Variants in GPR160 observed in about 807,000 individuals in gnomAD.
The protein encoded by GPR160 is probable G protein-coupled receptor 160.
In GPR160, 2 loss-of-function variants were observed where a neutral mutation model predicts 2.6. The observed-to-expected ratio is 0.77, with a 90% CI of 0.32 to 2.44. The LOEUF (loss-of-function observed/expected upper bound fraction) is 2.44, where lower values mean the gene tolerates loss of function less well. Among genes scored for constraint, GPR160 ranks in the 30% most tolerant of loss-of-function variants. The pLI is 0.11. For missense variants in GPR160, 351 were observed against 383.6 expected (o/e 0.91, Z 0.71); for synonymous variants, 130 against 132.2 (o/e 0.98, Z 0.12).
chr3:170,043,166 C>T (rs1716538092), intron 2 of GPR160, among the ~76,000 whole-genome samples: 1 of 151,790 alleles, frequency 6.6e-6, no homozygotes, highest in Non-Finnish European at 1.5e-5. Context: ...CAGACATTCA[C>T]ACACATTTTT....
chr3:170,073,823 G>A (rs1419942523), intron 2 of GPR160, among the ~76,000 whole-genome samples: 1 of 150,734 alleles, frequency 6.6e-6, no homozygotes, highest in Non-Finnish European at 1.5e-5. Flanking sequence ...GAAGACATCT[G>A]AGCCTATATT....
At chr3:170,043,967 C>CTT (rs11348576) in intron 2 of GPR160, among the ~76,000 whole-genome samples, 3 of 145,076 alleles carry the variant, frequency 2.1e-5, no homozygotes, top group Non-Finnish European at 1.5e-5. Flanking sequence ...TGAGATTGTA[C>CTT]TTTTTTTTTT....
At chr3:170,062,573 G>T in intron 2 of GPR160, 1 of 890,182 alleles carries the variant, frequency 1.1e-6, no homozygotes, top group East Asian at 2.7e-5. Flanking sequence ...AGGACCCCTC[G>T]CACCTTTTCC....
intron 2 of GPR160, among the ~76,000 whole-genome samples, chr3:170,060,997 G>A (rs570731603): frequency 4.6e-5 from 7 of 151,754 alleles, no homozygotes; most frequent in Non-Finnish European, 7.4e-5. Context: ...CAGTATTGCC[G>A]GGCACGGTGG....
chr3:170,039,568 T>G (rs1326845878), intron 2 of GPR160, among the ~76,000 whole-genome samples: 11 of 152,044 alleles, frequency 7.2e-5, no homozygotes, highest in Admixed American at 7.2e-4. Flanking sequence ...ATTAGCTGGG[T>G]GTGGTGACAC....
Position 170,062,788 on chromosome 3 carries a change from T to C in GPR160, c.-192-16986T>C. 4 of 719,280 alleles carry C rather than the reference T, an allele frequency of 5.6e-6. No homozygotes were observed. In the East Asian group the frequency reaches 8.4e-5, roughly 15 times the overall value. The allele number at this position is 719,280 out of a possible 1,614,324, so 44.6% of individuals were successfully genotyped here. ...AGGAAGGGCAAAGCGGAGCTGCAAT[T>C]TGAAGAAAGGGAAAGAATAGATGAA... On this transcript the variant is annotated intron_variant, in intron 2 of 3. Transcript: ENST00000355897.
intron 2 of GPR160, chr3:170,062,203 T>G (rs1472472078): frequency 1.2e-5 from 2 of 170,978 alleles, no homozygotes; most frequent in Non-Finnish European, 2.5e-5. Flanking sequence ...TCCAAACAGC[T>G]CTGCGCTCTG....
At chr3:170,065,430 A>G (rs943133729) in intron 2 of GPR160, among the ~76,000 whole-genome samples, 6 of 152,216 alleles carry the variant, frequency 3.9e-5, no homozygotes, top group Admixed American at 1.3e-4. Context: ...ATGCCTAGAT[A>G]ATCTTCACCA....
At chr3:170,049,339 A>G (rs1343624548) in intron 2 of GPR160, among the ~76,000 whole-genome samples, 1 of 152,046 alleles carries the variant, frequency 6.6e-6, no homozygotes, top group African/African-American at 2.4e-5. Flanking sequence ...CTCATTCCCT[A>G]TTGTTAGACA....
intron 2 of GPR160, among the ~76,000 whole-genome samples, chr3:170,065,478 C>T (rs1483932890): frequency 6.6e-6 from 1 of 152,220 alleles, no homozygotes; most frequent in Non-Finnish European, 1.5e-5. Flanking sequence ...CATGGTTTTT[C>T]TTCTCTTCTA....
In GPR160 at chr3:170,043,967, CTT is replaced by C. The variant is rs11348576; in HGVS notation, c.-193+4937_-193+4938del. 2.1e-3 allele frequency among the ~76,000 whole-genome samples: 309 copies of C among 144,942 alleles called. 1 individual carries two copies. The highest frequency in any genetic ancestry group is 6.5e-3 in the African/African-American group (259 of 39,550). On this transcript the variant is annotated intron_variant, in intron 2 of 3. Coordinates refer to ENST00000355897, the MANE Select transcript of GPR160 (RefSeq NM_014373.3). ...AATAGTCCCCAGCCCTGAGATTGTA[CTT>C]TTTTTTTTTTTTAACGGTAAGAGAT...
At chr3:170,075,760 G>C (rs780900052) in intron 2 of GPR160, among the ~76,000 whole-genome samples, 15 of 152,210 alleles carry the variant, frequency 9.9e-5, no homozygotes, top group Non-Finnish European at 1.5e-4. Context: ...GCAGGCATGT[G>C]GGTGAGCACT....
chr3:170,043,967 CTTT>C (rs11348576), intron 2 of GPR160, among the ~76,000 whole-genome samples: 2 of 145,062 alleles, frequency 1.4e-5, no homozygotes, highest in Non-Finnish European at 1.5e-5. Flanking sequence ...TGAGATTGTA[CTTT>C]TTTTTTTTTT....
chr3:170,081,163 TTAAAAC>T (rs1713101511), intron 3 of GPR160, among the ~76,000 whole-genome samples: 2 of 152,250 alleles, frequency 1.3e-5, no homozygotes, highest in Non-Finnish European at 2.9e-5. Context: ...CATTGGTTGT[TTAAAAC>T]TAAGCCTTTT....
chr3:170,058,938 C>T (rs1711787396), intron 2 of GPR160, among the ~76,000 whole-genome samples: 1 of 151,820 alleles, frequency 6.6e-6, no homozygotes, highest in Non-Finnish European at 1.5e-5. Flanking sequence ...TTTTAAGGGG[C>T]AATAAAGAGT....
intron 2 of GPR160, among the ~76,000 whole-genome samples, chr3:170,069,183 AGGGAGTCATTTGCTGCACTG>A (rs1712475410): frequency 6.6e-6 from 1 of 152,164 alleles, no homozygotes; most frequent in Non-Finnish European, 1.5e-5. Flanking sequence ...GCAGTTGGAG[AGGGAGTCATTTGCTGCACTG>A]AGTCAGGGAA....
At chr3:170,067,862 T>TGAC (rs1712422803) in intron 2 of GPR160, among the ~76,000 whole-genome samples, 1 of 152,228 alleles carries the variant, frequency 6.6e-6, no homozygotes, top group Non-Finnish European at 1.5e-5. Context: ...CAATAGGGTT[T>TGAC]TCCACAGTGT....
chr3:170,049,737 G>A (rs1373771793), intron 2 of GPR160: 2 of 153,056 alleles, frequency 1.3e-5, no homozygotes, highest in Non-Finnish European at 2.9e-5. Flanking sequence ...GCCTGTGGTG[G>A]TGGTGCTCCT....
intron 2 of GPR160, among the ~76,000 whole-genome samples, chr3:170,046,777 G>A (rs1716739694): frequency 6.6e-6 from 1 of 152,138 alleles, no homozygotes; most frequent in African/African-American, 2.4e-5. Flanking sequence ...GTTTACATTT[G>A]TTTCGATTGC....
Sources: gnomAD v4.1 joint callset for allele counts (sites outside exome capture counted in the v4.1 genomes callset) on GRCh38, gnomAD v4.1.1 for gene constraint, MANE v1.5 for transcripts, NCBI Gene and HGNC (gene_info 2026-07-23, HGNC 2026-07-21) for gene names.